The following ERGIC1 variants were observed in gnomAD, a reference collection of about 807,000 sequenced individuals.
The protein encoded by ERGIC1 is endoplasmic reticulum-Golgi intermediate compartment protein 1.
ERGIC1 carries 19 observed loss-of-function variants against 38.3 expected under a neutral mutation model. The ratio of observed to expected loss-of-function variants is 0.50; its 90% CI spans 0.35 to 0.73. The LOEUF (loss-of-function observed/expected upper bound fraction) is 0.73, where lower values mean the gene tolerates loss of function less well. Ranked by LOEUF, ERGIC1 falls within the 30% of genes least tolerant of loss-of-function variation. ERGIC1 has a pLI of 0.01. For synonymous variants in ERGIC1, 124 were observed against 157.6 expected (o/e 0.79, Z 1.60); for missense variants, 294 against 389.2 (o/e 0.76, Z 2.06).
chr5:172,834,437 AGT>A lies in ERGIC1; in HGVS notation c.20+8_20+9del. ...CGATGCCCTTTGACTTCAGGAGGTG[AGT>A]GTGGCGACCCCGGCCAGTCGGGAGT... On this transcript the variant is annotated splice_donor_5th_base_variant and intron_variant, in intron 1 of 9. Coordinates refer to ENST00000393784, the MANE Select transcript of ERGIC1 (RefSeq NM_001031711.3). The surrounding 1 kb of genome is among the most constrained non-coding windows in gnomAD (Gnocchi z 4.1). 1 of 1,332,990 alleles carries A rather than the reference AGT, an allele frequency of 7.5e-7. No homozygotes were observed. The highest frequency in any genetic ancestry group is 9.6e-7 in the Non-Finnish European group (1 of 1,037,542). 82.6% of individuals were successfully genotyped at this position (1,332,990 alleles called of 1,614,324 possible). A position where few individuals can be genotyped will look rare whatever the true frequency, so the allele number is the denominator to read the frequency against.
Position 172,926,798 on chromosome 5 carries a change from G to A in ERGIC1, c.541+229G>A, listed in dbSNP as rs979328917. The A allele has an allele frequency of 3.5e-5, 20 of 571,496 alleles. No homozygotes were observed. The highest frequency in any genetic ancestry group is 4.7e-4 in the Middle Eastern group (1 of 2,136). The allele number at this position is 571,496 out of a possible 1,614,324, so 35.4% of individuals were successfully genotyped here. On this transcript the variant is annotated intron_variant, in intron 7 of 9. Transcript: ENST00000393784. This position sits in a 1 kb window ranked among gnomAD's most constrained non-coding sequence, Gnocchi z 5.2. ...AGGCTTGTCCCGGGGCACAGCAGAC[G>A]CACGCACGCAGTGGATACCAGCTAT...
chr5:172,861,418 A>C (rs1761695980), intron 1 of ERGIC1, among the ~76,000 whole-genome samples: 1 of 152,118 alleles, frequency 6.6e-6, no homozygotes, highest in Non-Finnish European at 1.5e-5. Flanking sequence ...TGTCCCCTCC[A>C]TGGGAACCTC....
chr5:172,863,331 G>A (rs710115), intron 1 of ERGIC1, among the ~76,000 whole-genome samples: 211 of 152,222 alleles, frequency 1.4e-3, no homozygotes, highest in African/African-American at 4.6e-3. Flanking sequence ...TTCTAAACTC[G>A]ATTATGAGAA....
chr5:172,839,028 G>A (rs1761095094), intron 1 of ERGIC1, among the ~76,000 whole-genome samples: 1 of 151,608 alleles, frequency 6.6e-6, no homozygotes, highest in Non-Finnish European at 1.5e-5. Context: ...ATTACCTGAG[G>A]TCAGGAGTTT....
chr5:172,914,165 G>T (rs1181204095), intron 4 of ERGIC1, among the ~76,000 whole-genome samples: 2 of 147,584 alleles, frequency 1.4e-5, no homozygotes, highest in Admixed American at 7.0e-5. Context: ...AATGCAGGAG[G>T]CGGAGGTTGC....
chr5:172,890,421 A>T (rs1762529338), intron 2 of ERGIC1, among the ~76,000 whole-genome samples: 1 of 152,212 alleles, frequency 6.6e-6, no homozygotes, highest in Non-Finnish European at 1.5e-5. Flanking sequence ...AAACTGGTGA[A>T]GCCCAAATAA....
chr5:172,920,784 C>T (rs999584452), intron 5 of ERGIC1, among the ~76,000 whole-genome samples: 2 of 152,200 alleles, frequency 1.3e-5, no homozygotes, highest in African/African-American at 2.4e-5. Context: ...TGCCATGGCC[C>T]GATCTGCGGA....
At position 172,924,388 on chromosome 5, in the gene ERGIC1, C is replaced by T. The variant is rs550378442; in HGVS notation, c.480+279C>T. On this transcript the variant is annotated intron_variant, in intron 6 of 9. Transcript: ENST00000393784. ...ACTTTCAGAAAAATGGATCAGTAAG[C>T]GTATGTGACACGGCATGTTCTGTGC... Among the ~76,000 whole-genome samples the T allele has an allele frequency of 3.3e-5, 5 of 152,160 alleles. No individual in the cohort carries two copies. In the South Asian group the frequency reaches 8.3e-4, roughly 25 times the overall value.
intron 1 of ERGIC1, among the ~76,000 whole-genome samples, chr5:172,843,152 TAAATA>T (rs963934096): frequency 2.6e-5 from 4 of 152,278 alleles, no homozygotes; most frequent in African/African-American, 4.8e-5. Flanking sequence ...TCTCAAAAAT[TAAATA>T]AAATAAAATA....
chr5:172,871,674 T>C (rs931891741), intron 1 of ERGIC1, among the ~76,000 whole-genome samples: 1 of 151,948 alleles, frequency 6.6e-6, no homozygotes, highest in African/African-American at 2.4e-5. Context: ...TACTGTGAGC[T>C]GATGAAGGAG....
intron 1 of ERGIC1, among the ~76,000 whole-genome samples, chr5:172,851,882 T>C (rs1761417997): frequency 6.6e-6 from 1 of 152,078 alleles, no homozygotes; most frequent in African/African-American, 2.4e-5. Context: ...AATGCGTTGT[T>C]AGTAAGCACC....
chr5:172,926,802 G>A lies in ERGIC1; in HGVS notation c.541+233G>A, dbSNP rs1457533718. The A allele has an allele frequency of 7.1e-6, 4 of 564,986 alleles. No individual in the cohort carries two copies. The highest frequency in any genetic ancestry group is 2.9e-5 in the East Asian group (1 of 34,294). The allele number at this position is 564,986 out of a possible 1,614,324, so 35.0% of individuals were successfully genotyped here. Reference sequence around the variant, plus strand: ...TTGTCCCGGGGCACAGCAGACGCACGCACGCAGTGGATACCAGCTATTACC... The same window carrying A: ...TTGTCCCGGGGCACAGCAGACGCACACACGCAGTGGATACCAGCTATTACC... On this transcript the variant is annotated intron_variant, in intron 7 of 9. Transcript: ENST00000393784. This position sits in a 1 kb window ranked among gnomAD's most constrained non-coding sequence, Gnocchi z 5.2.
chr5:172,849,457 G>GTA (rs1761350938), intron 1 of ERGIC1, among the ~76,000 whole-genome samples: 2 of 152,188 alleles, frequency 1.3e-5, no homozygotes, highest in South Asian at 4.1e-4. Context: ...CTGGAACTGG[G>GTA]TACCACAAAT....
intron 3 of ERGIC1, chr5:172,898,025 C>G (rs897200618): frequency 2.5e-6 from 1 of 407,004 alleles, no homozygotes; most frequent in African/African-American, 2.1e-5. Context: ...GGAATTAGAC[C>G]CAGGAGCTTC....
chr5:172,914,430 C>G, intron 4 of ERGIC1: 1 of 532,018 alleles, frequency 1.9e-6, no homozygotes, highest in Non-Finnish European at 3.4e-6. Context: ...CTGAGGCATC[C>G]AGAGGTTAAG....
At chr5:172,843,852 C>T (rs1275315924) in intron 1 of ERGIC1, among the ~76,000 whole-genome samples, 1 of 152,232 alleles carries the variant, frequency 6.6e-6, no homozygotes, top group East Asian at 1.9e-4. Flanking sequence ...CCTCAGTTTT[C>T]CTCATCTGCA....
At chr5:172,857,704 T>C (rs1260861462) in intron 1 of ERGIC1, among the ~76,000 whole-genome samples, 3 of 151,046 alleles carry the variant, frequency 2.0e-5, no homozygotes, top group Non-Finnish European at 4.4e-5. Flanking sequence ...GGGTCTCACG[T>C]GGCCCCAGGA....
At position 172,909,626 on chromosome 5, in the gene ERGIC1, C is replaced by T. The variant is rs769907232; in HGVS notation, c.156-41C>T. 52 of 1,573,208 alleles carry T rather than the reference C, an allele frequency of 3.3e-5. No individual in the cohort carries two copies. The East Asian group carries it at 7.2e-4, about 22-fold the overall frequency. ...TGTCCCCCGCAGCTGAGATCTTTGCCGCCATCTCAACAAAGGTTCCTATAC... is the reference window on the plus strand; with the variant it reads ...TGTCCCCCGCAGCTGAGATCTTTGCTGCCATCTCAACAAAGGTTCCTATAC... On this transcript the variant is annotated intron_variant, in intron 3 of 9. Coordinates refer to ENST00000393784, the MANE Select transcript of ERGIC1 (RefSeq NM_001031711.3).
intron 3 of ERGIC1, among the ~76,000 whole-genome samples, chr5:172,908,268 G>A (rs1489317408): frequency 1.6e-5 from 2 of 128,908 alleles, no homozygotes; most frequent in Non-Finnish European, 3.2e-5. Flanking sequence ...AGTGGCTCAC[G>A]CCTGTAATCC....
Sources: allele counts gnomAD v4.1 joint callset (sites outside exome capture counted in the v4.1 genomes callset), GRCh38; gene constraint gnomAD v4.1.1; non-coding constraint Gnocchi (gnomAD v3.1); transcripts MANE v1.5; gene names NCBI Gene and HGNC (gene_info 2026-07-23, HGNC 2026-07-21).